Variants in FBN2 observed in about 807,000 individuals in gnomAD.
FBN2 encodes the protein fibrillin 2, also known as fibrillin-2.
A neutral mutation model predicts 355.6 loss-of-function variants in FBN2; 105 were observed. That is an observed-to-expected ratio of 0.30 (90% CI 0.25 to 0.35). The LOEUF (loss-of-function observed/expected upper bound fraction) is 0.35, where lower values mean the gene tolerates loss of function less well. FBN2 is among the 10% of genes least tolerant of loss of function. The pLI is 1.00. For synonymous variants in FBN2, 1,350 were observed against 1,301.2 expected (o/e 1.04, Z -0.81); for missense variants, 3,280 against 3,758.7 (o/e 0.87, Z 3.33).
At chr5:128,523,415 T>C (rs964071629) in intron 4 of FBN2, among the ~76,000 whole-genome samples, 14 of 152,148 alleles carry the variant, frequency 9.2e-5, no homozygotes, top group African/African-American at 3.1e-4. Context: ...CATCTCACAA[T>C]GTTGGGCTGA....
At chr5:128,437,028 G>C (rs991754464) in intron 7 of FBN2, among the ~76,000 whole-genome samples, 1 of 152,168 alleles carries the variant, frequency 6.6e-6, no homozygotes, top group East Asian at 1.9e-4. Context: ...GAGATCTCTC[G>C]TGATAGAAAT....
At chr5:128,297,489 A>T (rs1376679893) in intron 48 of FBN2, among the ~76,000 whole-genome samples, 1 of 151,876 alleles carries the variant, frequency 6.6e-6, no homozygotes, top group Non-Finnish European at 1.5e-5. Context: ...TTTGTAGGTC[A>T]CTCAGGACTT....
intron 24 of FBN2, 84 bp downstream of exon 24, chr5:128,345,273 A>T (rs541974655): frequency 2.3e-4 from 270 of 1,167,044 alleles, no homozygotes; most frequent in Middle Eastern, 9.6e-4. Context: ...GAAGTCAAAC[A>T]TTTAAAGCAA....
intron 6 of FBN2, among the ~76,000 whole-genome samples, chr5:128,454,565 T>C (rs1452062949): frequency 1.3e-5 from 2 of 152,206 alleles, no homozygotes; most frequent in African/African-American, 4.8e-5. Context: ...GAAATAACTT[T>C]CTACTCAGGG....
In FBN2 at chr5:128,506,777, C is replaced by A. The variant is rs75993530; in HGVS notation, c.628+12496G>T. 1.6e-3 allele frequency among the ~76,000 whole-genome samples: 246 copies of A among 152,140 alleles called. 7 individuals carry two copies. The East Asian group carries it at 0.042, about 26-fold the overall frequency. On this transcript the variant is annotated intron_variant, in intron 5 of 64. Transcript: ENST00000262464. ...GCCCTTCTTTCATGTTGAGGAAATT[C>A]TCTTCTATTCTTTATCTTGCTGACT...
intron 7 of FBN2, among the ~76,000 whole-genome samples, chr5:128,444,054 CTTTTTTT>C (rs35768962): frequency 7.6e-5 from 5 of 65,624 alleles, no homozygotes; most frequent in African/African-American, 1.2e-4. Flanking sequence ...ATCACTTGTT[CTTTTTTT>C]TTTTTTTTTT....
intron 6 of FBN2, among the ~76,000 whole-genome samples, chr5:128,452,197 C>A (rs1236994063): frequency 6.6e-6 from 1 of 152,174 alleles, no homozygotes; most frequent in Non-Finnish European, 1.5e-5. Flanking sequence ...AAAGTCCTAT[C>A]ACAAGCAACT....
chr5:128,531,458 T>C (rs778895084), intron 2 of FBN2, among the ~76,000 whole-genome samples: 9 of 151,886 alleles, frequency 5.9e-5, no homozygotes, highest in Non-Finnish European at 1.3e-4. Flanking sequence ...TATGGTGCAG[T>C]GGACACTGCT....
At chr5:128,315,125 G>C (rs1182873815) in intron 36 of FBN2, among the ~76,000 whole-genome samples, 1 of 151,740 alleles carries the variant, frequency 6.6e-6, no homozygotes, top group Non-Finnish European at 1.5e-5. Flanking sequence ...CTACATCCAA[G>C]GAACCCTTTA....
chr5:128,336,440 C>A (rs1487031731), intron 27 of FBN2, among the ~76,000 whole-genome samples: 1 of 152,178 alleles, frequency 6.6e-6, no homozygotes, highest in Non-Finnish European at 1.5e-5. Context: ...ATTTACATAG[C>A]CACATATGGC....
rs1223426685 is a variant in FBN2, at chr5:128,289,756, A to G, written c.6511+126T>C. The G allele has an allele frequency of 7.6e-6, 5 of 661,364 alleles. No individual in the cohort carries two copies. In the Admixed American group the frequency reaches 1.3e-4, roughly 17 times the overall value. 41.0% of individuals were successfully genotyped at this position (661,364 alleles called of 1,614,324 possible). On this transcript the variant is annotated intron_variant, in intron 51 of 64. Coordinates refer to ENST00000262464, the MANE Select transcript of FBN2 (RefSeq NM_001999.4). ...ATGTATATGATACAAAATAAGGGTT[A>G]TATACATCCATTAAATACAATATAC...
At chr5:128,427,835 C>T (rs1049367922) in intron 7 of FBN2, among the ~76,000 whole-genome samples, 2 of 152,128 alleles carry the variant, frequency 1.3e-5, no homozygotes, top group Non-Finnish European at 2.9e-5. Context: ...GCAATAAATG[C>T]CTCATTTTCT....
rs56312356 is a variant in FBN2 at position 128,393,176 on chromosome 5, C to A, written c.1424G>T (p.Gly475Val). The A allele has an allele frequency of 7.6e-5, 122 of 1,614,180 alleles. No individual in the cohort carries two copies. The East Asian group carries it at 2.7e-3, about 36-fold the overall frequency. The change falls in exon 10 of 65, where the codon GGT becomes GTT. Residue 475 changes from glycine to valine, a missense_variant. Transcript: ENST00000262464. ...AGGTCCCTGTCCCCCGGCCCCCACA[C>A]CGGCTCCCCCAACGCCAGGAGAAAA... Reference protein sequence around the residue: ...NGFSPGVGGAGVGAGGQGPII... With the variant: ...NGFSPGVGGAVVGAGGQGPII...
intron 34 of FBN2, 75 bp from the exon 35 acceptor site, chr5:128,319,076 C>T (rs1002874634): frequency 1.2e-4 from 146 of 1,214,880 alleles, no homozygotes; most frequent in South Asian, 7.6e-5. Flanking sequence ...CTAACATTAG[C>T]GCATTTTTCT....
chr5:128,451,542 A>G (rs1307306986), intron 6 of FBN2, among the ~76,000 whole-genome samples: 1 of 152,124 alleles, frequency 6.6e-6, no homozygotes, highest in Non-Finnish European at 1.5e-5. Flanking sequence ...CTGGGATTAC[A>G]GGCATGAGAC....
chr5:128,409,910 T>C (rs1013424889), intron 7 of FBN2, among the ~76,000 whole-genome samples: 2 of 152,218 alleles, frequency 1.3e-5, no homozygotes, highest in African/African-American at 4.8e-5. Flanking sequence ...AGGTTGCCAA[T>C]GCCTTTCTTA....
chr5:128,534,127 G>A (rs1756784942), intron 2 of FBN2, among the ~76,000 whole-genome samples: 1 of 152,030 alleles, frequency 6.6e-6, no homozygotes, highest in Non-Finnish European at 1.5e-5. Context: ...AGGTACAAAT[G>A]TATGAGAAAA....
intron 62 of FBN2, among the ~76,000 whole-genome samples, chr5:128,271,280 C>T (rs183517870): frequency 1.4e-4 from 22 of 152,288 alleles, no homozygotes; most frequent in African/African-American, 5.1e-4. Context: ...ATGCCAGCAC[C>T]TAGCATCAAA....
At chr5:128,432,302 T>A (rs1470310533) in intron 7 of FBN2, among the ~76,000 whole-genome samples, 1 of 152,204 alleles carries the variant, frequency 6.6e-6, no homozygotes, top group Non-Finnish European at 1.5e-5. Context: ...CGTGGGCCAC[T>A]TAAAATCAAC....
Sources: gnomAD v4.1 joint callset for allele counts (sites outside exome capture counted in the v4.1 genomes callset) on GRCh38, gnomAD v4.1.1 for gene constraint, MANE v1.5 for transcripts, NCBI Gene and HGNC (gene_info 2026-07-23, HGNC 2026-07-21) for gene names.